The following PRKCB variants were observed in gnomAD, a reference collection of about 807,000 sequenced individuals.
The protein encoded by PRKCB is protein kinase C beta.
In PRKCB, 13 loss-of-function variants were observed where a neutral mutation model predicts 81.5. The ratio of observed to expected loss-of-function variants is 0.16; its 90% confidence interval spans 0.10 to 0.25. The LOEUF (loss-of-function observed/expected upper bound fraction) is 0.25, where lower values mean the gene tolerates loss of function less well. Ranked by LOEUF, PRKCB falls within the 10% of genes least tolerant of loss-of-function variation. The pLI is 1.00. For synonymous variants in PRKCB, 335 were observed against 321.4 expected, an observed-to-expected ratio of 1.04 and a Z score of -0.45; for missense variants, 509 against 875.7, an observed-to-expected ratio of 0.58 and a Z score of 5.29.
intron 5 of PRKCB, among the ~76,000 whole-genome samples, chr16:24,074,650 T>C (rs1966156057): frequency 6.6e-6 from 1 of 152,192 alleles, no homozygotes; most frequent in South Asian, 2.1e-4. Context: ...AGTGAGGATG[T>C]TCTGAGAGTA....
At chr16:23,890,859 T>C (rs1963281862) in intron 2 of PRKCB, among the ~76,000 whole-genome samples, 1 of 152,104 alleles carries the variant, frequency 6.6e-6, no homozygotes, top group Admixed American at 6.6e-5. Flanking sequence ...GCATTCTTGT[T>C]TAAAAGCTCA....
chr16:24,179,949 AT>A (rs796325640), intron 12 of PRKCB, among the ~76,000 whole-genome samples: 2,423 of 144,072 alleles, frequency 0.017, 45 homozygotes, highest in African/African-American at 0.055. Flanking sequence ...ATTGTGCAAC[AT>A]TTTTTTTTTT....
intron 16 of PRKCB, among the ~76,000 whole-genome samples, chr16:24,211,649 C>G (rs1158272681): frequency 6.6e-6 from 1 of 151,264 alleles, no homozygotes; most frequent in African/African-American, 2.4e-5. Flanking sequence ...ACCTCTGCCT[C>G]CTGGGTTTAA....
chr16:24,026,202 G>A (rs1046787513), intron 3 of PRKCB, among the ~76,000 whole-genome samples: 1 of 152,194 alleles, frequency 6.6e-6, no homozygotes. Flanking sequence ...GGCTGAGGTG[G>A]AAGGGTCGCT....
chr16:23,837,066 G>A (rs1962174160), intron 1 of PRKCB, among the ~76,000 whole-genome samples: 1 of 152,080 alleles, frequency 6.6e-6, no homozygotes, highest in African/African-American at 2.4e-5. Flanking sequence ...TTTTCCCGAG[G>A]GTGCTCGGGG....
In PRKCB at chr16:24,116,485, G is replaced by C. The variant is rs932021379; in HGVS notation, c.918+3416G>C. On this transcript the variant is annotated intron_variant, in intron 8 of 16. Transcript: ENST00000643927. ...TCTTGAGCCTATGCCCACCCGACAT[G>C]CTGGAAGATAGTGATAGTTCTGACC... is the stretch of plus-strand genomic sequence containing the variant. 3.9e-5 allele frequency among the ~76,000 whole-genome samples: 6 copies of C among 152,274 alleles called. No individual in the cohort carries two copies. In the South Asian group the frequency reaches 1.2e-3, roughly 32 times the overall value.
chr16:24,218,999 TG>T lies in PRKCB; in HGVS notation c.*4184del. ...TCTCTCATATGTCATATATAGGAGG[TG>T]AGGACTCCAGCTCCACCTGCCCCAG... On this transcript the variant is annotated 3_prime_UTR_variant, in exon 17 of 17. Transcript: ENST00000643927. 1 of 985,112 alleles carries T rather than the reference TG, an allele frequency of 1.0e-6. No individual in the cohort carries two copies. The highest frequency in any genetic ancestry group is 1.2e-6 in the Non-Finnish European group (1 of 829,830). The allele number at this position is 985,112 out of a possible 1,614,324, so 61.0% of individuals were successfully genotyped here.
rs544820250 is a variant in PRKCB at position 24,215,861 on chromosome 16, C to A, written c.*1045C>A. On this transcript the variant is annotated 3_prime_UTR_variant, in exon 17 of 17. Transcript: ENST00000643927. ...TAATTAAGTGCTCTGAAAAAGACAC[C>A]GTTTCTTGAAACAAAGATGGTTGTA... 9.6e-4 allele frequency: 947 copies of A among 985,268 alleles called. No individual in the cohort carries two copies. The highest frequency in any genetic ancestry group is 2.9e-3 in the Admixed American group (47 of 16,224). 61.0% of individuals were successfully genotyped at this position (985,268 alleles called of 1,614,324 possible).
chr16:24,140,048 A>G (rs1567389241), intron 9 of PRKCB, among the ~76,000 whole-genome samples: 2 of 152,196 alleles, frequency 1.3e-5, no homozygotes, highest in Admixed American at 6.5e-5. Flanking sequence ...TCATTTTTAG[A>G]CTGCTGGCTT....
At chr16:24,056,882 G>A (rs1265253890) in intron 5 of PRKCB, among the ~76,000 whole-genome samples, 10 of 152,128 alleles carry the variant, frequency 6.6e-5, no homozygotes, top group Non-Finnish European at 1.2e-4. Flanking sequence ...TGAGAGCAAC[G>A]CAAACGGATG....
chr16:24,146,024 T>C (rs547418556), intron 9 of PRKCB, among the ~76,000 whole-genome samples: 26 of 152,294 alleles, frequency 1.7e-4, no homozygotes, highest in African/African-American at 6.0e-4. Context: ...AGAAGAGGGA[T>C]ATTTGGATAC....
At chr16:23,955,520 C>T (rs1408180851) in intron 2 of PRKCB, among the ~76,000 whole-genome samples, 8 of 152,070 alleles carry the variant, frequency 5.3e-5, no homozygotes, top group East Asian at 3.9e-4. Context: ...GAGTGTTCTG[C>T]GTTTGGGGAC....
chr16:24,189,081 C>T (rs1413850979), intron 15 of PRKCB, among the ~76,000 whole-genome samples: 5 of 152,176 alleles, frequency 3.3e-5, no homozygotes, highest in Admixed American at 2.6e-4. Context: ...CCTCCATAAA[C>T]CTCTCCTGAC....
chr16:24,168,197 T>C (rs1967376681), intron 10 of PRKCB, among the ~76,000 whole-genome samples: 1 of 152,204 alleles, frequency 6.6e-6, no homozygotes, highest in Non-Finnish European at 1.5e-5. Flanking sequence ...TGTGGGCAAG[T>C]GAAAAATGTC....
At chr16:23,896,628 A>G (rs763627817) in intron 2 of PRKCB, among the ~76,000 whole-genome samples, 1 of 152,204 alleles carries the variant, frequency 6.6e-6, no homozygotes, top group African/African-American at 2.4e-5. Context: ...CAGCTTAAGA[A>G]GTGGCATTAG....
intron 2 of PRKCB, among the ~76,000 whole-genome samples, chr16:23,870,980 C>T (rs1174794016): frequency 6.6e-6 from 1 of 152,200 alleles, no homozygotes; most frequent in Non-Finnish European, 1.5e-5. Flanking sequence ...GGGCCTGGAC[C>T]CCGTGGGTCT....
At chr16:24,210,034 T>G (rs1367994750) in intron 16 of PRKCB, among the ~76,000 whole-genome samples, 1 of 152,134 alleles carries the variant, frequency 6.6e-6, no homozygotes, top group Non-Finnish European at 1.5e-5. Flanking sequence ...GAGGATTGCT[T>G]GAGCCCAGGA....
chr16:23,925,995 C>T (rs1187725671), intron 2 of PRKCB, among the ~76,000 whole-genome samples: 1 of 151,612 alleles, frequency 6.6e-6, no homozygotes, highest in East Asian at 1.9e-4. Flanking sequence ...TGATTTCAGA[C>T]TGGGCATGGT....
intron 2 of PRKCB, among the ~76,000 whole-genome samples, chr16:23,853,200 A>G (rs1426641913): frequency 6.6e-6 from 1 of 152,208 alleles, no homozygotes; most frequent in East Asian, 1.9e-4. Flanking sequence ...ATTAGTAAGA[A>G]TCTATTAAAG....
Sources: allele counts gnomAD v4.1 joint callset (sites outside exome capture counted in the v4.1 genomes callset), GRCh38; gene constraint gnomAD v4.1.1; transcripts MANE v1.5; gene names NCBI Gene and HGNC (gene_info 2026-07-23, HGNC 2026-07-21).